OSBPL3: variants seen among roughly 807,000 people sequenced by gnomAD.
The protein encoded by OSBPL3 is oxysterol binding protein like 3, also known as oxysterol-binding protein-related protein 3.
A neutral mutation model predicts 120.1 loss-of-function variants in OSBPL3; 65 were observed. That is an observed-to-expected ratio of 0.54 (90% CI 0.44 to 0.67). OSBPL3 has a LOEUF of 0.67. Among genes scored for constraint, OSBPL3 ranks in the 30% least tolerant of loss-of-function variants. The pLI is 0.00. For missense variants in OSBPL3, 1,004 were observed against 1,082.1 expected (o/e 0.93, Z 1.01); for synonymous variants, 416 against 402.6 (o/e 1.03, Z -0.40).
At chr7:24,969,135 C>CA (rs1816726254) in intron 1 of OSBPL3, among the ~76,000 whole-genome samples, 5 of 152,350 alleles carry the variant, frequency 3.3e-5, no homozygotes, top group Admixed American at 2.0e-4. Flanking sequence ...ATACCTGTTT[C>CA]TTCAAAACTT....
At chr7:24,850,803 C>G (rs1799051676) in intron 11 of OSBPL3, among the ~76,000 whole-genome samples, 1 of 152,234 alleles carries the variant, frequency 6.6e-6, no homozygotes, top group African/African-American at 2.4e-5. Flanking sequence ...CATGGCAACA[C>G]TGTGCATACA....
In OSBPL3 at chr7:24,955,904, C is replaced by G. The variant is rs779896108; in HGVS notation, c.-150+23982G>C. On this transcript the variant is annotated intron_variant, in intron 1 of 22. Transcript: ENST00000313367. This position sits in a 1 kb window ranked among gnomAD's most constrained non-coding sequence, Gnocchi z 4.3. ...CAGCCACTGCTGTGCAGTTTAGTCACTGATCTTTCAGATCTTTTTCACTCA... is the reference window on the plus strand; with the variant it reads ...CAGCCACTGCTGTGCAGTTTAGTCAGTGATCTTTCAGATCTTTTTCACTCA... Among the ~76,000 whole-genome samples the G allele has an allele frequency of 3.2e-4, 49 of 152,364 alleles. No homozygotes were observed. The Middle Eastern group carries it at 0.014, about 42-fold the overall frequency.
chr7:24,928,167 T>C (rs1004459655), intron 1 of OSBPL3, among the ~76,000 whole-genome samples: 2 of 151,184 alleles, frequency 1.3e-5, no homozygotes, highest in Non-Finnish European at 2.9e-5. Context: ...AGCCTGAGAA[T>C]GGTGAGCCAA....
At chr7:24,811,512 C>A (rs1793794655) in intron 19 of OSBPL3, among the ~76,000 whole-genome samples, 1 of 152,134 alleles carries the variant, frequency 6.6e-6, no homozygotes, top group African/African-American at 2.4e-5. Context: ...TTGATATAAT[C>A]CCATTTGTCT....
rs887071030 is a variant in OSBPL3 at position 24,946,348 on chromosome 7, T to C, written c.-150+33538A>G. On this transcript the variant is annotated intron_variant, in intron 1 of 22. Transcript: ENST00000313367. This position sits in a 1 kb window ranked among gnomAD's most constrained non-coding sequence, Gnocchi z 4.3. ...GTTATTTTTGCCGTACTTTTATTGG[T>C]TGGAGCAGACACAAACCAACTCGTA... 3.7e-4 allele frequency among the ~76,000 whole-genome samples: 56 copies of C among 152,108 alleles called. No individual in the cohort carries two copies. Among genetic ancestry groups the C allele is most frequent in the African/African-American group, 1.3e-3 (54 of 41,402 alleles).
intron 19 of OSBPL3, among the ~76,000 whole-genome samples, chr7:24,812,104 C>T (rs1793875811): frequency 6.6e-6 from 1 of 151,858 alleles, no homozygotes; most frequent in Non-Finnish European, 1.5e-5. Context: ...GTCCGGAGTT[C>T]GAGACCAGCC....
chr7:24,944,097 A>T (rs1323829608), intron 1 of OSBPL3, among the ~76,000 whole-genome samples: 2 of 144,636 alleles, frequency 1.4e-5, no homozygotes, highest in African/African-American at 2.5e-5. Flanking sequence ...AAAAAAAAAA[A>T]ATTAAGAAAA....
At chr7:24,926,422 T>A (rs1357141677) in intron 1 of OSBPL3, among the ~76,000 whole-genome samples, 3 of 152,088 alleles carry the variant, frequency 2.0e-5, no homozygotes, top group East Asian at 1.9e-4. Flanking sequence ...AACATTTTTT[T>A]AAAAAAAGCT....
At position 24,879,116 on chromosome 7, in the gene OSBPL3, G is replaced by A. The variant is rs1490261202; in HGVS notation, c.97-7047C>T. Among the ~76,000 whole-genome samples the A allele has an allele frequency of 6.6e-6, 1 of 152,098 alleles. No homozygotes were observed. The highest frequency in any genetic ancestry group is 1.9e-4 in the East Asian group (1 of 5,188). ...CATGGCTGATCTATGAAAGTCTCTG[G>A]AGTGCTCCATCAGAGGCTGGTGGTC... On this transcript the variant is annotated intron_variant, in intron 2 of 22. Coordinates refer to ENST00000313367, the MANE Select transcript of OSBPL3 (RefSeq NM_015550.4). This position sits in a 1 kb window ranked among gnomAD's most constrained non-coding sequence, Gnocchi z 5.6.
chr7:24,907,806 A>T (rs980127538), intron 1 of OSBPL3, among the ~76,000 whole-genome samples: 8 of 151,912 alleles, frequency 5.3e-5, no homozygotes, highest in Non-Finnish European at 1.2e-4. Context: ...ACTCTGACTC[A>T]CTCTTCATAT....
In OSBPL3 at chr7:24,938,787, G is replaced by GTC. The variant is rs34834801; in HGVS notation, c.-150+41098_-150+41099insGA. Among the ~76,000 whole-genome samples the GTC allele has an allele frequency of 0.15, 18,804 of 125,606 alleles. 1,767 individuals are homozygous for GTC. Among genetic ancestry groups the GTC allele is most frequent in the African/African-American group, 0.2 (6,836 of 34,534 alleles). 82.4% of individuals were successfully genotyped at this position (125,606 alleles called of 152,430 possible). On this transcript the variant is annotated intron_variant, in intron 1 of 22. Coordinates refer to ENST00000313367, the MANE Select transcript of OSBPL3 (RefSeq NM_015550.4). The surrounding 1 kb of genome is among the most constrained non-coding windows in gnomAD (Gnocchi z 5.8). ...AATGAGGTTTTGTTTTGATGTGTGT[G>GTC]TGTGTGTGTGTGTGTGTGTGTGTGT...
intron 2 of OSBPL3, among the ~76,000 whole-genome samples, chr7:24,874,558 G>T (rs1234644224): frequency 6.6e-6 from 1 of 152,014 alleles, no homozygotes. Context: ...GTTAGAACTG[G>T]ACTGTTCCTC....
chr7:24,970,720 TAC>T (rs1816920059), intron 1 of OSBPL3, among the ~76,000 whole-genome samples: 1 of 152,242 alleles, frequency 6.6e-6, no homozygotes. Context: ...TAGCACCTTG[TAC>T]ATAATAAATT....
At chr7:24,902,806 C>G (rs1807259658) in intron 1 of OSBPL3, among the ~76,000 whole-genome samples, 1 of 151,854 alleles carries the variant, frequency 6.6e-6, no homozygotes, top group African/African-American at 2.4e-5. Context: ...GTGAACAGAG[C>G]ACCTCCCTCT....
In OSBPL3 at chr7:24,903,543, A is replaced by G. The variant is rs565197447; in HGVS notation, c.-149-10922T>C. Among the ~76,000 whole-genome samples the G allele has an allele frequency of 5.9e-5, 9 of 152,336 alleles. No individual in the cohort carries two copies. The South Asian group carries it at 1.9e-3, about 32-fold the overall frequency. On this transcript the variant is annotated intron_variant, in intron 1 of 22. Transcript: ENST00000313367. ...CCTATCCTTCACCAGAAGAAATGCT[A>G]TTGACTCAGATCTTGGTTTTCTACC...
chr7:24,953,839 T>A lies in OSBPL3; in HGVS notation c.-150+26047A>T, dbSNP rs1417695774. Among the ~76,000 whole-genome samples the A allele has an allele frequency of 6.6e-6, 1 of 152,252 alleles. No homozygotes were observed. Among genetic ancestry groups the A allele is most frequent in the African/African-American group, 2.4e-5 (1 of 41,468 alleles). ...CGGCATGAACTAGAAGCAGGCAGCA[T>A]GTATCCCAGGAATAGCTTTTGCTAC... On this transcript the variant is annotated intron_variant, in intron 1 of 22. Coordinates refer to ENST00000313367, the MANE Select transcript of OSBPL3 (RefSeq NM_015550.4). This position sits in a 1 kb window ranked among gnomAD's most constrained non-coding sequence, Gnocchi z 4.3.
rs1328950155 is a variant in OSBPL3 at position 24,964,439 on chromosome 7, A to C, written c.-150+15447T>G. ...TTTACCTCTGTAATCTTCTTCCCCAAAACCCATAACCCCAGTCCAATACAA... is the reference window on the plus strand; with the variant it reads ...TTTACCTCTGTAATCTTCTTCCCCACAACCCATAACCCCAGTCCAATACAA... On this transcript the variant is annotated intron_variant, in intron 1 of 22. Coordinates refer to ENST00000313367, the MANE Select transcript of OSBPL3 (RefSeq NM_015550.4). The surrounding 1 kb of genome is among the most constrained non-coding windows in gnomAD (Gnocchi z 4.2). Among the ~76,000 whole-genome samples the C allele has an allele frequency of 6.6e-6, 1 of 152,198 alleles. No individual in the cohort carries two copies. Among genetic ancestry groups the C allele is most frequent in the African/African-American group, 2.4e-5 (1 of 41,450 alleles).
chr7:24,944,088 A>G (rs1468988467), intron 1 of OSBPL3, among the ~76,000 whole-genome samples: 1 of 151,790 alleles, frequency 6.6e-6, no homozygotes, highest in African/African-American at 2.4e-5. Context: ...AAAAAAAAAA[A>G]AAAAAAAAAA....
chr7:24,860,523 C>A (rs1800378283), intron 10 of OSBPL3, among the ~76,000 whole-genome samples: 1 of 152,200 alleles, frequency 6.6e-6, no homozygotes, highest in African/African-American at 2.4e-5. Flanking sequence ...TTGCCTGCCA[C>A]CATGTAAGAC....
Sources: gnomAD v4.1 joint callset for allele counts (sites outside exome capture counted in the v4.1 genomes callset) on GRCh38, gnomAD v4.1.1 for gene constraint, Gnocchi (gnomAD v3.1) non-coding constraint, MANE v1.5 for transcripts, NCBI Gene and HGNC (gene_info 2026-07-23, HGNC 2026-07-21) for gene names.